DOCK1: variants seen among roughly 807,000 people sequenced by gnomAD.
The protein encoded by DOCK1 is dedicator of cytokinesis protein 1.
A neutral mutation model predicts 262.7 loss-of-function variants in DOCK1; 138 were observed. The ratio of observed to expected loss-of-function variants is 0.53; its 90% CI spans 0.46 to 0.61. DOCK1 has a LOEUF of 0.61. DOCK1 is among the 20% of genes least tolerant of loss of function. The pLI is 0.00. For missense variants in DOCK1, 1,908 were observed against 2,370.7 expected, an observed-to-expected ratio of 0.80 and a Z score of 4.05; for synonymous variants, 866 against 867.4, an observed-to-expected ratio of 1.00 and a Z score of 0.03.
chr10:127,201,556 A>G (rs1334319068), intron 27 of DOCK1, among the ~76,000 whole-genome samples: 1 of 152,202 alleles, frequency 6.6e-6, no homozygotes, highest in African/African-American at 2.4e-5. Flanking sequence ...TTATCCACAG[A>G]AATGGAAGGT....
intron 21 of DOCK1, among the ~76,000 whole-genome samples, chr10:127,051,184 GGATGTTACTTGATTTTA>G (rs2044699598): frequency 6.6e-6 from 1 of 151,826 alleles, no homozygotes; most frequent in South Asian, 2.1e-4. Flanking sequence ...TTTCATATTA[GGATGTTACTTGATTTTA>G]GATCCCAATT....
At chr10:127,327,776 C>A (rs1169916611) in intron 29 of DOCK1, among the ~76,000 whole-genome samples, 1 of 152,202 alleles carries the variant, frequency 6.6e-6, no homozygotes, top group African/African-American at 2.4e-5. Context: ...GGCTTCTAAT[C>A]TCCTTCTTCT....
At chr10:127,416,108 G>C (rs1046259188) in intron 44 of DOCK1, among the ~76,000 whole-genome samples, 19 of 152,222 alleles carry the variant, frequency 1.2e-4, no homozygotes, top group Admixed American at 1.3e-4. Context: ...ACCAGCATGA[G>C]CTATGGGCAG....
intron 27 of DOCK1, among the ~76,000 whole-genome samples, chr10:127,129,236 C>T (rs1213189859): frequency 1.3e-5 from 2 of 151,788 alleles, no homozygotes; most frequent in African/African-American, 4.9e-5. Context: ...AGCTTCAGCA[C>T]ATGTGAGGTT....
Position 127,012,263 on chromosome 10 carries a change from C to A in DOCK1, c.1090C>A (p.Pro364Thr), listed in dbSNP as rs1274827135. ...GTTGGACGACGCCATTCGACACAAG[C>A]CGCTGAACATGTCATCCCGTTTTTC... ...LALDDAIRHK[P>T]LNMSSRFSPR... The change falls in exon 12 of 52, where the codon CCG becomes ACG. Residue 364 changes from proline (P) to threonine (T), a missense_variant. Transcript: ENST00000623213. The surrounding 1 kb of genome is among the most constrained non-coding windows in gnomAD (Gnocchi z 4.0). 2 of 1,611,642 alleles carry A rather than the reference C, an allele frequency of 1.2e-6. No individual in the cohort carries two copies. The highest frequency in any genetic ancestry group is 1.3e-5 in the African/African-American group (1 of 75,012).
chr10:127,047,002 GA>G (rs2044391976), intron 21 of DOCK1, among the ~76,000 whole-genome samples: 2 of 152,216 alleles, frequency 1.3e-5, no homozygotes, highest in South Asian at 4.1e-4. Flanking sequence ...AATTTTGTTG[GA>G]TGCGTAAGAT....
At chr10:126,972,752 C>A (rs190033727) in intron 2 of DOCK1, among the ~76,000 whole-genome samples, 29 of 152,114 alleles carry the variant, frequency 1.9e-4, no homozygotes, top group East Asian at 1.4e-3. Flanking sequence ...ATGTTCATGG[C>A]CCTTATTTCC....
intron 38 of DOCK1, among the ~76,000 whole-genome samples, chr10:127,398,335 G>T (rs1287733111): frequency 6.6e-6 from 1 of 152,222 alleles, no homozygotes; most frequent in Non-Finnish European, 1.5e-5. Flanking sequence ...CAGCGTAGTT[G>T]CAGGCAACAC....
In DOCK1 at chr10:127,267,027, C is replaced by G. The variant is rs752877826; in HGVS notation, c.3044+9598C>G. On this transcript the variant is annotated intron_variant, in intron 29 of 51. Coordinates refer to ENST00000623213, the MANE Select transcript of DOCK1 (RefSeq NM_001290223.2). ...ATTGTGATGCATCAGGATTTCAAGA[C>G]AGATACTGACTTGGATCCAGTAATG... 7.9e-4 allele frequency among the ~76,000 whole-genome samples: 120 copies of G among 152,198 alleles called. 1 individual carries two copies. Among genetic ancestry groups the G allele is most frequent in the Admixed American group, 5.2e-4 (8 of 15,278 alleles).
chr10:127,135,455 T>C (rs1477003257), intron 27 of DOCK1: 2 of 152,662 alleles, frequency 1.3e-5, no homozygotes, highest in East Asian at 3.8e-4. Context: ...TATTTAAAAA[T>C]TAATAAAGAA....
chr10:127,120,689 A>G (rs1564817511), intron 25 of DOCK1, among the ~76,000 whole-genome samples: 1 of 152,174 alleles, frequency 6.6e-6, no homozygotes, highest in Admixed American at 6.5e-5. Context: ...TTGGTTTCTA[A>G]CAAGTAAATC....
chr10:127,020,147 A>G (rs1282937050), intron 13 of DOCK1, among the ~76,000 whole-genome samples: 3 of 152,228 alleles, frequency 2.0e-5, no homozygotes, highest in Admixed American at 6.5e-5. Flanking sequence ...CGTTTAGTCA[A>G]TTCTGAAGCT....
intron 1 of DOCK1, among the ~76,000 whole-genome samples, chr10:126,952,948 AGTG>A (rs1251545814): frequency 4.0e-5 from 1 of 25,124 alleles, no homozygotes; most frequent in Non-Finnish European, 6.9e-5. Context: ...TGGTGATGGT[AGTG>A]GTAGTATTTT....
intron 27 of DOCK1, among the ~76,000 whole-genome samples, chr10:127,149,164 T>C (rs1169711223): frequency 6.6e-6 from 1 of 152,164 alleles, no homozygotes; most frequent in Non-Finnish European, 1.5e-5. Flanking sequence ...TGCATAATTG[T>C]AAAAAGCAGC....
rs2034209786 is a variant in DOCK1, at chr10:126,931,798, C to G, written c.46+26235C>G. On this transcript the variant is annotated intron_variant, in intron 1 of 51. Coordinates refer to ENST00000623213, the MANE Select transcript of DOCK1 (RefSeq NM_001290223.2). ...TCTATCGACTGAGGATATGCGTGGCCCCTGCTCTCCCTGGGCTTCGGGAGG... is the reference window on the plus strand; with the variant it reads ...TCTATCGACTGAGGATATGCGTGGCGCCTGCTCTCCCTGGGCTTCGGGAGG... Among the ~76,000 whole-genome samples, 4 of 152,076 alleles carry G rather than the reference C, an allele frequency of 2.6e-5. No homozygotes were observed. The South Asian group carries it at 8.3e-4, about 32-fold the overall frequency.
At chr10:127,048,689 T>C (rs561500436) in intron 21 of DOCK1, among the ~76,000 whole-genome samples, 1 of 152,322 alleles carries the variant, frequency 6.6e-6, no homozygotes, top group South Asian at 2.1e-4. Context: ...TTGTGCCAGG[T>C]GTGTTTCAAG....
At position 127,125,548 on chromosome 10, in the gene DOCK1, G is replaced by A; in HGVS notation, c.2698G>A (p.Ala900Thr). ...YHLERQEDLE[A>T]CCQLLSHILE... Reference sequence around the variant, plus strand: ...TCTGGAGAGACAGGAGGACCTGGAGGCCTGCTGTCAGCTGCTCAGCCACAT... The same window carrying A: ...TCTGGAGAGACAGGAGGACCTGGAGACCTGCTGTCAGCTGCTCAGCCACAT... The change falls in exon 26 of 52, where the codon GCC (alanine) becomes ACC (threonine). Residue 900 changes from alanine to threonine, a missense_variant. Ala to Thr is a moderately conservative substitution (Grantham distance 58, BLOSUM62 0). Around this residue, in one of 9 missense-constraint regions of DOCK1, gnomAD observed 518 missense variants for 575.1 expected, o/e 0.90. Coordinates refer to ENST00000623213, the MANE Select transcript of DOCK1 (RefSeq NM_001290223.2). 6.2e-7 allele frequency: 1 copy of A among 1,613,890 alleles called. No homozygotes were observed. Among genetic ancestry groups the A allele is most frequent in the Non-Finnish European group, 8.5e-7 (1 of 1,179,860 alleles).
intron 29 of DOCK1, among the ~76,000 whole-genome samples, chr10:127,329,763 A>G (rs2062896023): frequency 6.6e-6 from 1 of 152,148 alleles, no homozygotes; most frequent in Admixed American, 6.5e-5. Context: ...TGAAGTTGAA[A>G]TAGGTGGACG....
At chr10:127,408,543 A>C (rs1318017014) in intron 40 of DOCK1, among the ~76,000 whole-genome samples, 1 of 152,210 alleles carries the variant, frequency 6.6e-6, no homozygotes, top group Non-Finnish European at 1.5e-5. Flanking sequence ...GGCCGTGTGC[A>C]GGTGCTGGGG....
Sources: gnomAD v4.1 joint callset for allele counts (sites outside exome capture counted in the v4.1 genomes callset) on GRCh38, gnomAD v4.1.1 for gene constraint, gnomAD v4.1.1 regional missense constraint, Gnocchi (gnomAD v3.1) non-coding constraint, MANE v1.5 for transcripts, NCBI Gene and HGNC (gene_info 2026-07-23, HGNC 2026-07-21) for gene names.